LMLN: variants seen among roughly 807,000 people sequenced by gnomAD.
The protein encoded by LMLN is leishmanolysin-like peptidase.
LMLN carries 70 observed loss-of-function variants against 92.3 expected under a neutral mutation model. The observed-to-expected ratio is 0.76, with a 90% CI of 0.63 to 0.92. The LOEUF is 0.92. Among genes scored for constraint, LMLN ranks in the 40% least tolerant of loss-of-function variants. The pLI is 0.00. For missense variants in LMLN, 691 were observed against 814.6 expected (o/e 0.85, Z 1.85); for synonymous variants, 308 against 296.2 (o/e 1.04, Z -0.41).
At chr3:198,010,449 T>C (rs1023292795) in intron 11 of LMLN, among the ~76,000 whole-genome samples, 4 of 151,264 alleles carry the variant, frequency 2.6e-5, no homozygotes, top group African/African-American at 7.3e-5. Flanking sequence ...ACGCCCAGCG[T>C]TTTCTGTTTT....
chr3:198,016,629 A>C (rs757783004), intron 11 of LMLN, among the ~76,000 whole-genome samples: 1 of 152,194 alleles, frequency 6.6e-6, no homozygotes, highest in African/African-American at 2.4e-5. Context: ...CAGCTGCAAG[A>C]GCTTAGGGAG....
intron 11 of LMLN, among the ~76,000 whole-genome samples, chr3:198,017,952 C>T (rs930920989): frequency 2.0e-5 from 3 of 152,074 alleles, no homozygotes. Context: ...AGTTAACTAG[C>T]CACCTTTGAA....
chr3:198,029,910 T>C (rs1006589822), intron 14 of LMLN, among the ~76,000 whole-genome samples: 2 of 151,848 alleles, frequency 1.3e-5, no homozygotes, highest in Non-Finnish European at 2.9e-5. Flanking sequence ...GCATGATCCC[T>C]CGGCTCACTG....
chr3:198,028,261 C>T lies in LMLN; in HGVS notation c.1656+3473C>T, dbSNP rs78544741. Among the ~76,000 whole-genome samples the T allele has an allele frequency of 8.5e-3, 1,297 of 151,844 alleles. 13 individuals are homozygous for T. The highest frequency in any genetic ancestry group is 0.03 in the African/African-American group (1,242 of 41,388). ...ACATTAGGGTTCACTCTGGGTGTTT[C>T]GATGAACCGACATCATCATCCGAAG... On this transcript the variant is annotated intron_variant, in intron 14 of 15. Coordinates refer to ENST00000330198, the Ensembl canonical transcript of LMLN.
intron 14 of LMLN, among the ~76,000 whole-genome samples, chr3:198,026,474 TA>T (rs1428977826): frequency 6.6e-6 from 1 of 151,950 alleles, no homozygotes; most frequent in Non-Finnish European, 1.5e-5. Context: ...TGCGCCACCA[TA>T]CCCAGCTAAT....
intron 1 of LMLN, among the ~76,000 whole-genome samples, chr3:197,973,511 A>G (rs1454723955): frequency 2.0e-5 from 3 of 152,106 alleles, no homozygotes; most frequent in Non-Finnish European, 2.9e-5. Context: ...CAAAGTCCCA[A>G]AGTGCTGGGA....
At position 198,025,746 on chromosome 3, in the gene LMLN, G is replaced by T. The variant is rs1448149503; in HGVS notation, c.1656+958G>T. On this transcript the variant is annotated intron_variant, in intron 14 of 15. Coordinates refer to ENST00000330198, the Ensembl canonical transcript of LMLN. The surrounding 1 kb of genome is among the most constrained non-coding windows in gnomAD (Gnocchi z 4.3). ...CTTATTAAGGACTTATAAAGATGTA[G>T]CCATTCTGTGACTTAGGAGCATCCA... 6.6e-6 allele frequency among the ~76,000 whole-genome samples: 1 copy of T among 152,176 alleles called. No individual in the cohort carries two copies. Among genetic ancestry groups the T allele is most frequent in the Non-Finnish European group, 1.5e-5 (1 of 68,030 alleles).
intron 11 of LMLN, among the ~76,000 whole-genome samples, chr3:198,016,823 G>GT (rs200849734): frequency 1.2e-4 from 18 of 151,448 alleles, no homozygotes; most frequent in East Asian, 7.7e-4. Context: ...TGTCAGCAAG[G>GT]TTTTTTTTTG....
chr3:197,990,453 A>C, intron 8 of LMLN, 106 bp from the exon 9 acceptor site: 1 of 535,298 alleles, frequency 1.9e-6, no homozygotes, highest in Non-Finnish European at 3.3e-6. Context: ...AAATATTTTA[A>C]TTTCATATTG....
chr3:198,037,017 T>G (rs1315998312), intron 15 of LMLN, among the ~76,000 whole-genome samples: 3 of 152,180 alleles, frequency 2.0e-5, no homozygotes, highest in African/African-American at 7.2e-5. Flanking sequence ...TTCCAAATCC[T>G]GAGGACCTCA....
intron 9 of LMLN, among the ~76,000 whole-genome samples, chr3:197,991,260 C>T (rs1427952763): frequency 1.3e-5 from 2 of 151,850 alleles, no homozygotes; most frequent in African/African-American, 4.8e-5. Flanking sequence ...CGCACCACCA[C>T]GCCCAGCTAA....
intron 7 of LMLN, among the ~76,000 whole-genome samples, chr3:197,984,922 C>G (rs538666154): frequency 1.3e-5 from 2 of 152,072 alleles, no homozygotes; most frequent in East Asian, 3.9e-4. Context: ...AGTGATCCCC[C>G]CCGCCTCAGC....
intron 11 of LMLN, among the ~76,000 whole-genome samples, chr3:198,007,345 A>G (rs1722323170): frequency 6.6e-6 from 1 of 152,170 alleles, no homozygotes; most frequent in Admixed American, 6.5e-5. Context: ...CATTTGAGTT[A>G]AGTTTTGTAT....
intron 6 of LMLN, among the ~76,000 whole-genome samples, chr3:197,982,258 C>T (rs1444977485): frequency 2.2e-5 from 3 of 138,648 alleles, no homozygotes; most frequent in Non-Finnish European, 4.5e-5. Context: ...CGGTGTCTCA[C>T]TCTGTTGCCC....
intron 7 of LMLN, among the ~76,000 whole-genome samples, chr3:197,985,327 T>C (rs1721674512): frequency 6.6e-6 from 1 of 151,618 alleles, no homozygotes; most frequent in South Asian, 2.1e-4. Flanking sequence ...GATTCTTCTA[T>C]ATATATAAGA....
intron 6 of LMLN, among the ~76,000 whole-genome samples, chr3:197,981,629 A>C (rs978299020): frequency 6.6e-5 from 10 of 152,234 alleles, no homozygotes; most frequent in Non-Finnish European, 1.3e-4. Flanking sequence ...GAAGCAGCTT[A>C]GCTTTGAAAT....
At chr3:197,979,731 C>A (rs1721504744) in intron 5 of LMLN, among the ~76,000 whole-genome samples, 2 of 152,152 alleles carry the variant, frequency 1.3e-5, no homozygotes, top group South Asian at 4.1e-4. Flanking sequence ...CAGGAGAGAG[C>A]CGAGATCACG....
At chr3:197,974,313 G>A in intron 1 of LMLN, 64 bp from the exon 2 acceptor site, 4 of 805,838 alleles carry the variant, frequency 5.0e-6, no homozygotes, top group Non-Finnish European at 8.2e-6. Flanking sequence ...TTAATTTTAA[G>A]TTTGGATTGC....
intron 13 of LMLN, among the ~76,000 whole-genome samples, chr3:198,024,001 G>A (rs564943178): frequency 6.6e-6 from 1 of 152,256 alleles, no homozygotes; most frequent in South Asian, 2.1e-4. Context: ...CCTATCATGA[G>A]TAATTTGGAG....
Sources: allele counts gnomAD v4.1 joint callset (sites outside exome capture counted in the v4.1 genomes callset), GRCh38; gene constraint gnomAD v4.1.1; non-coding constraint Gnocchi (gnomAD v3.1); transcripts MANE v1.5; gene names NCBI Gene and HGNC (gene_info 2026-07-23, HGNC 2026-07-21).